The following LLGL2 variants were observed in gnomAD, a reference collection of about 807,000 sequenced individuals.
The protein encoded by LLGL2 is LLGL scribble cell polarity complex component 2.
A neutral mutation model predicts 123.2 loss-of-function variants in LLGL2; 81 were observed. The observed-to-expected ratio is 0.66, with a 90% confidence interval of 0.55 to 0.79. LLGL2 has a LOEUF of 0.79. LLGL2 is among the 30% of genes least tolerant of loss of function. The probability of loss-of-function intolerance (pLI) is 0.00; values close to 1 mark genes in which losing one functional copy is unlikely to be tolerated. For synonymous variants in LLGL2, 577 were observed against 594.1 expected (o/e 0.97, Z 0.42); for missense variants, 1,273 against 1,414.6 (o/e 0.90, Z 1.61).
Position 75,570,584 on chromosome 17 carries a change from C to A in LLGL2, c.2025+86C>A, listed in dbSNP as rs980445258. Reference sequence around the variant, plus strand: ...CAGGGGGGCCACACGGCCCCTGCTCCCCAGGCTTGCTAGGCTACAAACAAG... The same window carrying A: ...CAGGGGGGCCACACGGCCCCTGCTCACCAGGCTTGCTAGGCTACAAACAAG... On this transcript the variant is annotated intron_variant, in intron 16 of 25. Coordinates refer to ENST00000392550, the MANE Select transcript of LLGL2 (RefSeq NM_001031803.2). 25 of 1,448,238 alleles carry A rather than the reference C, an allele frequency of 1.7e-5. No homozygotes were observed. The African/African-American group carries it at 3.1e-4, about 18-fold the overall frequency. 89.7% of individuals were successfully genotyped at this position (1,448,238 alleles called of 1,614,324 possible).
intron 1 of LLGL2, among the ~76,000 whole-genome samples, chr17:75,540,101 A>G (rs961273387): frequency 3.3e-5 from 5 of 152,154 alleles, no homozygotes; most frequent in Non-Finnish European, 5.9e-5. Flanking sequence ...TGGGGGAGCT[A>G]TGCGGTGCTG....
Position 75,559,475 on chromosome 17 carries a change from G to A in LLGL2, c.530+65G>A. On this transcript the variant is annotated intron_variant, in intron 6 of 25. Coordinates refer to ENST00000392550, the MANE Select transcript of LLGL2 (RefSeq NM_001031803.2). This position sits in a 1 kb window ranked among gnomAD's most constrained non-coding sequence, Gnocchi z 4.6. ...AAGTTAGGCATGGCTTCTCCCCTTGGTCCCAGGACTCTGTCAGGAGCTGTC... is the reference window on the plus strand; with the variant it reads ...AAGTTAGGCATGGCTTCTCCCCTTGATCCCAGGACTCTGTCAGGAGCTGTC... 6.6e-7 allele frequency: 1 copy of A among 1,520,444 alleles called. No individual in the cohort carries two copies. The highest frequency in any genetic ancestry group is 8.8e-7 in the Non-Finnish European group (1 of 1,133,968). 94.2% of individuals were successfully genotyped at this position (1,520,444 alleles called of 1,614,324 possible).
chr17:75,572,217 T>G (rs887545443), intron 19 of LLGL2, among the ~76,000 whole-genome samples, 153 bp downstream of exon 19: 1 of 152,110 alleles, frequency 6.6e-6, no homozygotes, highest in Non-Finnish European at 1.5e-5. Flanking sequence ...GGGGGGAGTC[T>G]CGTGTGAGGA....
At chr17:75,528,955 G>A (rs1002699336) in intron 1 of LLGL2, among the ~76,000 whole-genome samples, 2 of 151,940 alleles carry the variant, frequency 1.3e-5, no homozygotes, top group African/African-American at 2.4e-5. Flanking sequence ...TCAGGAGTTC[G>A]AGACTAGCCT....
intron 22 of LLGL2, 93 bp downstream of exon 22, chr17:75,574,073 A>G (rs1288247873): frequency 3.2e-6 from 5 of 1,549,518 alleles, no homozygotes; most frequent in Non-Finnish European, 4.4e-6. Context: ...GTGAGCAGGT[A>G]GTGTTTGGGC....
At chr17:75,574,786 A>G in intron 25 of LLGL2, 85 bp from the exon 26 acceptor site, 2 of 1,597,468 alleles carry the variant, frequency 1.3e-6, no homozygotes, top group Non-Finnish European at 1.7e-6. Context: ...TGACCAGGAA[A>G]GCACCATGTC....
intron 2 of LLGL2, among the ~76,000 whole-genome samples, chr17:75,554,095 A>G (rs1227484010): frequency 6.6e-6 from 1 of 152,166 alleles, no homozygotes; most frequent in East Asian, 1.9e-4. Flanking sequence ...TGAGGTCAAG[A>G]GTTCAAGACC....
chr17:75,560,385 C>A (rs552194126), intron 6 of LLGL2, among the ~76,000 whole-genome samples: 1 of 152,232 alleles, frequency 6.6e-6, no homozygotes, highest in East Asian at 1.9e-4. Flanking sequence ...CACACCAGTG[C>A]CCAGCCTCAC....
chr17:75,573,656 T>TGGCCCCCCCC, intron 21 of LLGL2, 25 bp downstream of exon 21: 1 of 1,429,158 alleles, frequency 7.0e-7, no homozygotes, highest in Non-Finnish European at 9.3e-7. Flanking sequence ...CAGAGGCCTC[T>TGGCCCCCCCC]CCCGCCCCTC....
chr17:75,535,015 TC>T, intron 1 of LLGL2, among the ~76,000 whole-genome samples: 2 of 152,346 alleles, frequency 1.3e-5, no homozygotes, highest in South Asian at 2.1e-4. Flanking sequence ...GAACTGCCTT[TC>T]AGCCAAGGTT....
Position 75,564,438 on chromosome 17 carries a change from C to T in LLGL2, c.967C>T (p.Gln323Ter). 1.2e-6 allele frequency: 2 copies of T among 1,613,536 alleles called. No individual in the cohort carries two copies. The highest frequency in any genetic ancestry group is 1.7e-6 in the Non-Finnish European group (2 of 1,180,004). The change falls in exon 10 of 26, where the codon CAG becomes TAG. Residue 323 changes from glutamine to a stop codon, truncating the protein, a stop_gained. Coordinates refer to ENST00000392550, the MANE Select transcript of LLGL2 (RefSeq NM_001031803.2). LOFTEE classifies it high-confidence loss of function. This position sits in a 1 kb window ranked among gnomAD's most constrained non-coding sequence, Gnocchi z 4.9. ...HCISVIHDGQ[Q>*]TAFDFTSRVI... ...CATCTCAGTGATCCACGATGGCCAG[C>T]AGACGGCCTTCGACTTCACCTCCCG...
chr17:75,573,656 T>TTCCCCCCCCCCCCC, intron 21 of LLGL2, 25 bp downstream of exon 21: 1 of 1,429,156 alleles, frequency 7.0e-7, no homozygotes, highest in Non-Finnish European at 9.3e-7. Flanking sequence ...CAGAGGCCTC[T>TTCCCCCCCCCCCCC]CCCGCCCCTC....
At chr17:75,540,539 A>G (rs969777005) in intron 1 of LLGL2, among the ~76,000 whole-genome samples, 3 of 152,230 alleles carry the variant, frequency 2.0e-5, no homozygotes, top group Non-Finnish European at 4.4e-5. Flanking sequence ...AGCAGCGGCC[A>G]GTCCCCAGGC....
chr17:75,563,240 T>C, intron 7 of LLGL2, 62 bp downstream of exon 7: 1 of 1,608,934 alleles, frequency 6.2e-7, no homozygotes, highest in Non-Finnish European at 8.5e-7. Flanking sequence ...AAGTGGCACA[T>C]ACACACTGTG....
intron 1 of LLGL2, among the ~76,000 whole-genome samples, chr17:75,534,104 TC>T (rs577834768): frequency 6.4e-4 from 97 of 152,358 alleles, no homozygotes; most frequent in African/African-American, 2.2e-3. Flanking sequence ...GTCCATCTTC[TC>T]CCCAGAATGG....
intron 1 of LLGL2, among the ~76,000 whole-genome samples, chr17:75,533,036 G>C (rs1431725121): frequency 6.6e-6 from 1 of 151,812 alleles, no homozygotes; most frequent in Non-Finnish European, 1.5e-5. Context: ...GTCTTGCTCT[G>C]TCGCCCAGGC....
chr17:75,553,479 A>G (rs1176355725), intron 2 of LLGL2, among the ~76,000 whole-genome samples: 5 of 152,202 alleles, frequency 3.3e-5, no homozygotes, highest in African/African-American at 1.2e-4. Context: ...TTGCTAAGCT[A>G]TCATTGCTAG....
At chr17:75,560,214 T>C (rs2055138523) in intron 6 of LLGL2, among the ~76,000 whole-genome samples, 1 of 152,212 alleles carries the variant, frequency 6.6e-6, no homozygotes, top group Admixed American at 6.5e-5. Context: ...CACTTGGAGC[T>C]GTGTCCCTCT....
At position 75,559,405 on chromosome 17, in the gene LLGL2, G is replaced by T. The variant is rs907179711; in HGVS notation, c.525G>T (p.Leu175=). ...GGACCATCAGCTCGGACGCGGTGCT[G>T]CAGCGGTGAGCCCAGAGCCCAGCTG... is the stretch of plus-strand genomic sequence containing the variant. ...EDRTISSDAV[L]QRLPEEARHR... The change falls in exon 6 of 26, where the codon CTG becomes CTT. Residue 175 remains leucine, a synonymous_variant. Transcript: ENST00000392550. The surrounding 1 kb of genome is among the most constrained non-coding windows in gnomAD (Gnocchi z 4.6). 1 of 1,605,468 alleles carries T rather than the reference G, an allele frequency of 6.2e-7. No homozygotes were observed. Among genetic ancestry groups the T allele is most frequent in the Non-Finnish European group, 8.5e-7 (1 of 1,176,502 alleles).
Sources: gnomAD v4.1 joint callset for allele counts (sites outside exome capture counted in the v4.1 genomes callset) on GRCh38, gnomAD v4.1.1 for gene constraint, Gnocchi (gnomAD v3.1) non-coding constraint, MANE v1.5 for transcripts, NCBI Gene and HGNC (gene_info 2026-07-23, HGNC 2026-07-21) for gene names.